The following DIP2C variants were observed in gnomAD, a reference collection of about 807,000 sequenced individuals.
DIP2C encodes DIP2 acetate--CoA ligase C (putative).
Under a neutral mutation model 192.4 loss-of-function variants are expected in DIP2C, and 33 were observed. The observed-to-expected ratio is 0.17, with a 90% CI of 0.13 to 0.23. The LOEUF (loss-of-function observed/expected upper bound fraction) is 0.23, where lower values mean the gene tolerates loss of function less well. Among genes scored for constraint, DIP2C ranks in the 10% least tolerant of loss-of-function variants. The probability of loss-of-function intolerance (pLI) is 1.00; values close to 1 mark genes in which losing one functional copy is unlikely to be tolerated. For missense variants in DIP2C, 1,537 were observed against 2,110.1 expected (o/e 0.73, Z 5.32); for synonymous variants, 979 against 864.1 (o/e 1.13, Z -2.33).
chr10:484,570 T>C (rs1175383514), intron 2 of DIP2C, among the ~76,000 whole-genome samples: 1 of 152,176 alleles, frequency 6.6e-6, no homozygotes, highest in Non-Finnish European at 1.5e-5. Context: ...TCTACTTCAA[T>C]AGGAAACGCA....
intron 3 of DIP2C, among the ~76,000 whole-genome samples, chr10:458,782 C>T (rs965798928): frequency 6.6e-6 from 1 of 151,702 alleles, no homozygotes; most frequent in Non-Finnish European, 1.5e-5. Context: ...CTCGGCACCC[C>T]GTGACGGCAA....
chr10:342,168 T>C (rs934443279), intron 28 of DIP2C, among the ~76,000 whole-genome samples: 13 of 152,056 alleles, frequency 8.5e-5, no homozygotes, highest in South Asian at 6.2e-4. Flanking sequence ...TCTCTCTTTT[T>C]TTTTTTTTGA....
chr10:520,517 T>TG (rs1278631482), intron 1 of DIP2C, among the ~76,000 whole-genome samples: 4 of 152,242 alleles, frequency 2.6e-5, no homozygotes, highest in African/African-American at 2.4e-5. Context: ...GGAAGGAGTT[T>TG]GGGTTTTCCG....
intron 1 of DIP2C, chr10:630,423 T>TA (rs1161202616): frequency 1.3e-5 from 2 of 152,226 alleles, no homozygotes; most frequent in African/African-American, 4.8e-5. Flanking sequence ...CTGGCAATTA[T>TA]AAAAAATAAG....
At chr10:293,124 T>C (rs1332117430) in intron 32 of DIP2C, among the ~76,000 whole-genome samples, 1 of 152,232 alleles carries the variant, frequency 6.6e-6, no homozygotes, top group Admixed American at 6.5e-5. Context: ...CTGATGCAGA[T>C]GTCAGCAGAG....
chr10:308,072 G>T (rs1019530020), intron 32 of DIP2C, among the ~76,000 whole-genome samples: 3 of 150,060 alleles, frequency 2.0e-5, no homozygotes, highest in Non-Finnish European at 1.5e-5. Flanking sequence ...CCCAGCACAC[G>T]GTCCATCTGG....
At chr10:425,902 A>AAT (rs1310315153) in intron 4 of DIP2C, among the ~76,000 whole-genome samples, 3 of 152,248 alleles carry the variant, frequency 2.0e-5, no homozygotes, top group Non-Finnish European at 4.4e-5. Flanking sequence ...AGCCATGGCT[A>AAT]ATAGTGTATT....
rs369648130 is a variant in DIP2C, at chr10:338,805, C to T, written c.3584+2394G>A. 8.6e-5 allele frequency among the ~76,000 whole-genome samples: 13 copies of T among 151,730 alleles called. 1 individual carries two copies. In the East Asian group the frequency reaches 1.7e-3, roughly 20 times the overall value. The stretch of plus-strand genomic sequence containing the variant: ...CACGCCACCTGCACGCTGCACCCTG[C>T]CTGGCTCCCACAGCCCACGCCACCT... On this transcript the variant is annotated intron_variant, in intron 29 of 36. Transcript: ENST00000280886.
intron 1 of DIP2C, among the ~76,000 whole-genome samples, chr10:686,722 C>T (rs1031734878): frequency 2.6e-5 from 4 of 152,208 alleles, no homozygotes; most frequent in South Asian, 4.1e-4. Flanking sequence ...GCACAGGGCA[C>T]GGGACAGGGA....
rs374978772 is a variant in DIP2C at position 561,234 on chromosome 10, TAC to T, written c.86-74706_86-74705del. Among the ~76,000 whole-genome samples, 434 of 152,278 alleles carry T rather than the reference TAC, an allele frequency of 2.9e-3. 2 individuals are homozygous for T. The highest frequency in any genetic ancestry group is 8.6e-3 in the African/African-American group (358 of 41,556). The stretch of plus-strand genomic sequence containing the variant: ...TCACAATAAATCTCTTTAAATACCT[TAC>T]AGAGTTTGATTCTCTTTGCTGACAT... On this transcript the variant is annotated intron_variant, in intron 1 of 36. Coordinates refer to ENST00000280886, the MANE Select transcript of DIP2C (RefSeq NM_014974.3).
chr10:298,785 C>G (rs1256921473), intron 32 of DIP2C, among the ~76,000 whole-genome samples: 1 of 152,152 alleles, frequency 6.6e-6, no homozygotes, highest in Non-Finnish European at 1.5e-5. Flanking sequence ...GCTTCCAGAC[C>G]CTCCCTGTCA....
At chr10:583,472 G>A (rs993075787) in intron 1 of DIP2C, among the ~76,000 whole-genome samples, 2 of 152,236 alleles carry the variant, frequency 1.3e-5, no homozygotes, top group South Asian at 2.1e-4. Context: ...CATTCTCCTA[G>A]TGAACTTTCA....
chr10:570,352 C>T lies in DIP2C; in HGVS notation c.86-83822G>A, dbSNP rs552835741. 7.9e-5 allele frequency among the ~76,000 whole-genome samples: 12 copies of T among 152,306 alleles called. No individual in the cohort carries two copies. The East Asian group carries it at 2.3e-3, about 29-fold the overall frequency. On this transcript the variant is annotated intron_variant, in intron 1 of 36. Transcript: ENST00000280886. The stretch of plus-strand genomic sequence containing the variant: ...GCACAGGGCCCTGCTGACACAGGAG[C>T]AAGCCCCACAAAGGCCTGGGCATGA...
At chr10:509,411 A>G (rs1185872870) in intron 1 of DIP2C, among the ~76,000 whole-genome samples, 1 of 152,188 alleles carries the variant, frequency 6.6e-6, no homozygotes, top group Admixed American at 6.5e-5. Context: ...CCCTGGATCC[A>G]TCCGCGCTGC....
intron 32 of DIP2C, among the ~76,000 whole-genome samples, chr10:300,176 C>G (rs1203214693): frequency 6.6e-6 from 1 of 152,174 alleles, no homozygotes; most frequent in African/African-American, 2.4e-5. Context: ...CCCAGAAGAA[C>G]TGAAACCAGG....
chr10:347,609 AC>A (rs1173117641), intron 26 of DIP2C, among the ~76,000 whole-genome samples: 1 of 120,876 alleles, frequency 8.3e-6, no homozygotes, highest in Non-Finnish European at 1.7e-5. Context: ...TCTCCCGGAA[AC>A]CCTACATACA....
chr10:636,908 C>T lies in DIP2C; in HGVS notation c.85+52586G>A, dbSNP rs1854871773. 6.6e-6 allele frequency among the ~76,000 whole-genome samples: 1 copy of T among 152,246 alleles called. No individual in the cohort carries two copies. On this transcript the variant is annotated intron_variant, in intron 1 of 36. Coordinates refer to ENST00000280886, the MANE Select transcript of DIP2C (RefSeq NM_014974.3). The surrounding 1 kb of genome is among the most constrained non-coding windows in gnomAD (Gnocchi z 4.6). ...GGTGAGGCTGCTGGTTCACGAGGGG[C>T]GGGAGCTCCTAGTCCTGCTCCCCGA...
At chr10:630,805 C>T (rs1438452119) in intron 1 of DIP2C, 1 of 152,296 alleles carries the variant, frequency 6.6e-6, no homozygotes, top group East Asian at 1.9e-4. Flanking sequence ...GAATCCGGGC[C>T]TTGATGCCCA....
chr10:533,395 G>A (rs1056245883), intron 1 of DIP2C, among the ~76,000 whole-genome samples: 5 of 152,088 alleles, frequency 3.3e-5, no homozygotes, highest in African/African-American at 4.8e-5. Context: ...CGCACAGCCC[G>A]GGCACCATAA....
Sources: gnomAD v4.1 joint callset for allele counts (sites outside exome capture counted in the v4.1 genomes callset) on GRCh38, gnomAD v4.1.1 for gene constraint, Gnocchi (gnomAD v3.1) non-coding constraint, MANE v1.5 for transcripts, NCBI Gene and HGNC (gene_info 2026-07-23, HGNC 2026-07-21) for gene names.